RAP1GDS1: variants seen among roughly 807,000 people sequenced by gnomAD.
RAP1GDS1 encodes the protein RAP1, GTP-GDP dissociation stimulator 1.
Under a neutral mutation model 71.1 loss-of-function variants are expected in RAP1GDS1, and 35 were observed. The observed-to-expected ratio is 0.49, with a 90% confidence interval of 0.38 to 0.65. RAP1GDS1 has a LOEUF of 0.65. RAP1GDS1 is among the 30% of genes least tolerant of loss of function. The pLI is 0.00. For synonymous variants in RAP1GDS1, 229 were observed against 243.1 expected, an observed-to-expected ratio of 0.94 and a Z score of 0.54; for missense variants, 663 against 706.1, an observed-to-expected ratio of 0.94 and a Z score of 0.69.
intron 5 of RAP1GDS1, among the ~76,000 whole-genome samples, chr4:98,380,611 C>A (rs1480965837): frequency 6.6e-6 from 1 of 151,590 alleles, no homozygotes; most frequent in East Asian, 1.9e-4. Flanking sequence ...AGGACAGAGC[C>A]TGAGAAATCC....
chr4:98,360,227 AG>A (rs944308963), intron 4 of RAP1GDS1, among the ~76,000 whole-genome samples: 5 of 152,142 alleles, frequency 3.3e-5, no homozygotes, highest in Admixed American at 3.3e-4. Flanking sequence ...AGTAATTTCG[AG>A]TAATTGTTCT....
At position 98,397,761 on chromosome 4, in the gene RAP1GDS1, T is replaced by A. The variant is rs537264117; in HGVS notation, c.637+5681T>A. 5.9e-5 allele frequency among the ~76,000 whole-genome samples: 9 copies of A among 152,270 alleles called. No homozygotes were observed. The South Asian group carries it at 1.9e-3, about 32-fold the overall frequency. On this transcript the variant is annotated intron_variant, in intron 6 of 14. Transcript: ENST00000408927. ...CCCCTTGCCTATCCAAGGAGAATGC[T>A]ATGCTTCTTGTCAGGATGGACGAAA...
At chr4:98,334,550 C>T (rs996783372) in intron 2 of RAP1GDS1, among the ~76,000 whole-genome samples, 1 of 152,216 alleles carries the variant, frequency 6.6e-6, no homozygotes, top group South Asian at 2.1e-4. Context: ...TTTTTCACCC[C>T]CGCATGGCAG....
intron 13 of RAP1GDS1, among the ~76,000 whole-genome samples, chr4:98,436,449 T>C (rs958081890): frequency 1.3e-5 from 2 of 152,200 alleles, no homozygotes; most frequent in African/African-American, 2.4e-5. Context: ...AGTATAAGCT[T>C]GTATATTTTC....
At chr4:98,377,463 A>G (rs1741327191) in intron 4 of RAP1GDS1, among the ~76,000 whole-genome samples, 1 of 151,788 alleles carries the variant, frequency 6.6e-6, no homozygotes, top group Non-Finnish European at 1.5e-5. Context: ...CAGTATAAGA[A>G]TTTTCTGTGA....
intron 1 of RAP1GDS1, among the ~76,000 whole-genome samples, chr4:98,288,625 T>G (rs1726423694): frequency 6.6e-6 from 1 of 152,210 alleles, no homozygotes. Context: ...CCACAATGGT[T>G]GAACTGGTTT....
Position 98,391,984 on chromosome 4 carries a change from G to A in RAP1GDS1, c.541G>A (p.Val181Ile). Residue 181 changes from valine to isoleucine, a missense_variant, in exon 6 of 15, where the codon GTT becomes ATT. By Grantham distance (29) the Val-to-Ile change is conservative. Coordinates refer to ENST00000408927, the MANE Select transcript of RAP1GDS1 (RefSeq NM_001100427.2). The stretch of plus-strand genomic sequence containing the variant: ...TCAAGCTCAGCTTATCAATATGGGT[G>A]TTATTCCTACCTTAGTGAAATTACT... ...SLQAQLINMG[V>I]IPTLVKLLGI... The A allele has an allele frequency of 6.2e-7, 1 of 1,608,528 alleles. No individual in the cohort carries two copies. Among genetic ancestry groups the A allele is most frequent in the Admixed American group, 1.7e-5 (1 of 59,836 alleles).
chr4:98,436,103 T>A (rs926097425), intron 13 of RAP1GDS1, among the ~76,000 whole-genome samples: 1 of 151,188 alleles, frequency 6.6e-6, no homozygotes, highest in Non-Finnish European at 1.5e-5. Context: ...TATATATCGG[T>A]ATAAGGTACG....
At chr4:98,298,523 G>A (rs1728116847) in intron 2 of RAP1GDS1, among the ~76,000 whole-genome samples, 1 of 152,108 alleles carries the variant, frequency 6.6e-6, no homozygotes, top group South Asian at 2.1e-4. Flanking sequence ...TTCTCTGCCT[G>A]TTCTCTGAAA....
At chr4:98,332,975 CT>C (rs1247831736) in intron 2 of RAP1GDS1, among the ~76,000 whole-genome samples, 3 of 152,098 alleles carry the variant, frequency 2.0e-5, no homozygotes, top group African/African-American at 7.2e-5. Context: ...CATGCTTAGA[CT>C]TTTTGTTTTG....
At chr4:98,315,406 T>G (rs1013202715) in intron 2 of RAP1GDS1, among the ~76,000 whole-genome samples, 26 of 152,258 alleles carry the variant, frequency 1.7e-4, no homozygotes, top group African/African-American at 6.3e-4. Context: ...TCTAACAACT[T>G]GGAAACAATT....
intron 2 of RAP1GDS1, among the ~76,000 whole-genome samples, chr4:98,321,123 T>C (rs1422531557): frequency 6.2e-5 from 9 of 145,090 alleles, no homozygotes; most frequent in African/African-American, 2.0e-4. Flanking sequence ...ACGTGAAGAA[T>C]GCAGAAGCCT....
At chr4:98,297,497 G>T (rs981027779) in intron 2 of RAP1GDS1, among the ~76,000 whole-genome samples, 1 of 152,034 alleles carries the variant, frequency 6.6e-6, no homozygotes, top group Non-Finnish European at 1.5e-5. Flanking sequence ...GGTAATTCTT[G>T]CAACATTTCA....
chr4:98,387,654 A>G (rs886861053), intron 5 of RAP1GDS1: 12 of 321,336 alleles, frequency 3.7e-5, no homozygotes, highest in Non-Finnish European at 5.8e-5. Context: ...AATTTCGTAA[A>G]TCTGTATTTG....
At chr4:98,414,535 G>A (rs1263277056) in intron 7 of RAP1GDS1, among the ~76,000 whole-genome samples, 4 of 150,732 alleles carry the variant, frequency 2.7e-5, no homozygotes, top group African/African-American at 9.9e-5. Flanking sequence ...TAGATATGCG[G>A]CATTATTTCT....
At chr4:98,316,517 T>G (rs890420371) in intron 2 of RAP1GDS1, among the ~76,000 whole-genome samples, 2 of 152,068 alleles carry the variant, frequency 1.3e-5, no homozygotes, top group Middle Eastern at 6.4e-3. Flanking sequence ...TCAGAGTTGT[T>G]CAGGATGATG....
intron 6 of RAP1GDS1, among the ~76,000 whole-genome samples, chr4:98,394,793 G>A (rs1744271694): frequency 6.6e-6 from 1 of 152,024 alleles, no homozygotes; most frequent in South Asian, 2.1e-4. Flanking sequence ...GTGTGTTTAA[G>A]ACATTATAAT....
chr4:98,266,291 AGAGT>A (rs1722709679), intron 1 of RAP1GDS1, among the ~76,000 whole-genome samples: 1 of 152,164 alleles, frequency 6.6e-6, no homozygotes, highest in Admixed American at 6.5e-5. Context: ...TCTGTCATGC[AGAGT>A]GAGTCTAGAA....
rs776334504 is a variant in RAP1GDS1, at chr4:98,433,950, C to G, written c.1455C>G (p.Thr485=). 1.9e-6 allele frequency: 3 copies of G among 1,606,310 alleles called. No individual in the cohort carries two copies. The highest frequency in any genetic ancestry group is 3.3e-5 in the Admixed American group (2 of 59,964). Residue 485 remains threonine (T), a synonymous_variant, in exon 13 of 15, where the codon ACC becomes ACG. Transcript: ENST00000408927. ...RHSKSKDVIK[T]IVQSGGIKHL... is the part of the protein sequence containing the mutation. ...ATTTATTGTAGGATGTAATTAAAAC[C>G]ATTGTGCAGAGTGGTGGCATCAAGC...
Sources: gnomAD v4.1 joint callset for allele counts (sites outside exome capture counted in the v4.1 genomes callset) on GRCh38, gnomAD v4.1.1 for gene constraint, MANE v1.5 for transcripts, NCBI Gene and HGNC (gene_info 2026-07-23, HGNC 2026-07-21) for gene names.